The following SORBS2 variants were observed in gnomAD, a reference collection of about 807,000 sequenced individuals.
The protein encoded by SORBS2 is sorbin and SH3 domain containing 2.
Under a neutral mutation model 97.7 loss-of-function variants are expected in SORBS2, and 46 were observed. That is an observed-to-expected ratio of 0.47 (90% CI 0.37 to 0.60). The LOEUF is 0.60. SORBS2 is among the 20% of genes least tolerant of loss of function. SORBS2 has a pLI of 0.00. For missense variants in SORBS2, 1,316 were observed against 1,282.3 expected (o/e 1.03, Z -0.40); for synonymous variants, 476 against 473.4 (o/e 1.01, Z -0.07).
At chr4:185,604,289 T>G (rs1474620269) in intron 12 of SORBS2, among the ~76,000 whole-genome samples, 1 of 152,210 alleles carries the variant, frequency 6.6e-6, no homozygotes, top group East Asian at 1.9e-4. Flanking sequence ...TGCATACATC[T>G]TACTAATTAA....
chr4:185,865,018 G>T (rs936403786), intron 1 of SORBS2, among the ~76,000 whole-genome samples: 6 of 152,088 alleles, frequency 3.9e-5, no homozygotes, highest in African/African-American at 1.4e-4. Flanking sequence ...AGGAGCCGAT[G>T]CTTTGGGCTC....
chr4:185,637,005 T>A (rs866273578), intron 4 of SORBS2, among the ~76,000 whole-genome samples: 9 of 152,330 alleles, frequency 5.9e-5, no homozygotes, highest in Middle Eastern at 3.4e-3. Context: ...CTGGGCTTCC[T>A]CTGGCGGGAG....
At chr4:185,938,426 A>ACACACACACG (rs2099270186) in intron 1 of SORBS2, among the ~76,000 whole-genome samples, 1 of 147,418 alleles carries the variant, frequency 6.8e-6, no homozygotes, top group East Asian at 2.0e-4. Flanking sequence ...ACACACACAC[A>ACACACACACG]CACACCCTTT....
At chr4:185,604,378 G>A (rs776522473) in intron 12 of SORBS2, among the ~76,000 whole-genome samples, 16 of 152,132 alleles carry the variant, frequency 1.1e-4, no homozygotes, top group Admixed American at 5.9e-4. Flanking sequence ...CTGTTGATAA[G>A]AATATTTAGG....
At chr4:185,801,070 C>A (rs1403450722) in intron 1 of SORBS2, among the ~76,000 whole-genome samples, 1 of 152,224 alleles carries the variant, frequency 6.6e-6, no homozygotes, top group Admixed American at 6.5e-5. Flanking sequence ...CTGGCAACCA[C>A]CATTCGACTC....
At chr4:185,858,774 T>C (rs1012423395) in intron 1 of SORBS2, among the ~76,000 whole-genome samples, 2 of 152,254 alleles carry the variant, frequency 1.3e-5, no homozygotes, top group African/African-American at 4.8e-5. Flanking sequence ...ATCTTTGTAA[T>C]AATTTGAGAA....
At position 185,761,288 on chromosome 4, in the gene SORBS2, A is replaced by G. The variant is rs2098888570; in HGVS notation, c.-198+13939T>C. ...TCTTGAAAATCTGTACCGAAAGCTT[A>G]AGTTTTTCTCCAAAGTCACATTCAA... On this transcript the variant is annotated intron_variant, in intron 2 of 20. Coordinates refer to the SORBS2 transcript ENST00000284776. Among the ~76,000 whole-genome samples, 3 of 152,356 alleles carry G rather than the reference A, an allele frequency of 2.0e-5. No homozygotes were observed. In the South Asian group the frequency reaches 6.2e-4, roughly 32 times the overall value.
At chr4:185,594,110 A>T (rs2096026096) in intron 12 of SORBS2, 175 bp from the exon 25 acceptor site, 2 of 575,796 alleles carry the variant, frequency 3.5e-6, no homozygotes, top group Non-Finnish European at 6.1e-6. Flanking sequence ...AAAATATTTA[A>T]AGGGAGCTTT....
chr4:185,828,172 A>C (rs5001008), intron 1 of SORBS2, among the ~76,000 whole-genome samples: 2,273 of 152,294 alleles, frequency 0.015, 23 homozygotes, highest in Middle Eastern at 0.027. Context: ...AAATTGGACA[A>C]AGGGAGAAAG....
chr4:185,767,514 A>G (rs2098943211), intron 2 of SORBS2, among the ~76,000 whole-genome samples: 2 of 148,848 alleles, frequency 1.3e-5, no homozygotes, highest in African/African-American at 2.5e-5. Flanking sequence ...AAAAAAAAAA[A>G]AAAAAGAGAA....
At position 185,671,938 on chromosome 4, in the gene SORBS2, A is replaced by T. The variant is rs57930996; in HGVS notation, c.-46+6485T>A. ...CGTTTTATTTGTAAACTCATGTTGG[A>T]CTCCCAAGTATTCTCTAATGTTCAA... is the stretch of plus-strand genomic sequence containing the variant. On this transcript the variant is annotated intron_variant, in intron 4 of 20. Transcript: ENST00000284776. Among the ~76,000 whole-genome samples, 641 of 152,230 alleles carry T rather than the reference A, an allele frequency of 4.2e-3. 5 individuals are homozygous for T. Among genetic ancestry groups the T allele is most frequent in the African/African-American group, 0.015 (623 of 41,518 alleles).
At chr4:185,679,302 A>G (rs2097840276) in intron 2 of SORBS2, among the ~76,000 whole-genome samples, 1 of 152,170 alleles carries the variant, frequency 6.6e-6, no homozygotes, top group Non-Finnish European at 1.5e-5. Context: ...CCTGTCTACC[A>G]TATCATGTGA....
At chr4:185,743,829 C>CTTCTTTCCTCCTCCTCCTCCTTCTATT (rs977257406) in intron 2 of SORBS2, among the ~76,000 whole-genome samples, 2 of 150,038 alleles carry the variant, frequency 1.3e-5, no homozygotes, top group African/African-American at 2.5e-5. Flanking sequence ...CTTCTTCTAT[C>CTTCTTTCCTCCTCCTCCTCCTTCTATT]TTCTTTCCTC....
At chr4:185,696,514 A>G (rs1324262455) in intron 2 of SORBS2, among the ~76,000 whole-genome samples, 1 of 152,022 alleles carries the variant, frequency 6.6e-6, no homozygotes, top group Non-Finnish European at 1.5e-5. Flanking sequence ...GAGTGCAATG[A>G]TGCGATCTTG....
intron 2 of SORBS2, among the ~76,000 whole-genome samples, chr4:185,731,003 C>T (rs1179265464): frequency 8.5e-5 from 13 of 152,142 alleles, no homozygotes; most frequent in Non-Finnish European, 4.4e-5. Context: ...ATGCTGTTCT[C>T]GGGGAACAAA....
At chr4:185,940,439 A>G (rs2149997281) in intron 1 of SORBS2, among the ~76,000 whole-genome samples, 1 of 152,244 alleles carries the variant, frequency 6.6e-6, no homozygotes, top group South Asian at 2.1e-4. Flanking sequence ...ATCCTGTTGC[A>G]GCTCACCACC....
intron 1 of SORBS2, among the ~76,000 whole-genome samples, chr4:185,947,454 A>G (rs1471432370): frequency 6.6e-6 from 1 of 152,100 alleles, no homozygotes; most frequent in Non-Finnish European, 1.5e-5. Context: ...CAGTATCTTT[A>G]GAGGGACAGA....
At chr4:185,625,557 C>A (rs1266481352) in intron 6 of SORBS2, among the ~76,000 whole-genome samples, 2 of 152,188 alleles carry the variant, frequency 1.3e-5, no homozygotes, top group Admixed American at 1.3e-4. Context: ...TGTGATGAAA[C>A]AAATATCTAC....
At chr4:185,920,836 A>G (rs979895814) in intron 1 of SORBS2, among the ~76,000 whole-genome samples, 1 of 152,252 alleles carries the variant, frequency 6.6e-6, no homozygotes, top group African/African-American at 2.4e-5. Flanking sequence ...TCTCTCTTTC[A>G]GTGATAAGTA....
Sources: allele counts gnomAD v4.1 joint callset (sites outside exome capture counted in the v4.1 genomes callset), GRCh38; gene constraint gnomAD v4.1.1; transcripts MANE v1.5; gene names NCBI Gene and HGNC (gene_info 2026-07-23, HGNC 2026-07-21).